SCAI: variants seen among roughly 807,000 people sequenced by gnomAD.
The protein encoded by SCAI is protein SCAI.
A neutral mutation model predicts 92.2 loss-of-function variants in SCAI; 24 were observed. The observed-to-expected ratio is 0.26, with a 90% CI of 0.19 to 0.37. The LOEUF (loss-of-function observed/expected upper bound fraction) is 0.37, where lower values mean the gene tolerates loss of function less well. Ranked by LOEUF, SCAI falls within the 10% of genes least tolerant of loss-of-function variation. The pLI is 1.00. For synonymous variants in SCAI, 261 were observed against 258.6 expected, an observed-to-expected ratio of 1.01 and a Z score of -0.09; for missense variants, 450 against 736.2, an observed-to-expected ratio of 0.61 and a Z score of 4.50.
intron 2 of SCAI, among the ~76,000 whole-genome samples, chr9:125,069,757 G>C (rs1833944390): frequency 2.0e-5 from 3 of 151,156 alleles, no homozygotes; most frequent in Admixed American, 6.6e-5. Flanking sequence ...TGAGTAGCTG[G>C]GATTACAGGC....
intron 5 of SCAI, 78 bp from the exon 6 acceptor site, chr9:125,026,988 C>A: frequency 1.4e-6 from 1 of 722,532 alleles, no homozygotes; most frequent in Non-Finnish European, 2.2e-6. Flanking sequence ...CTATATACCG[C>A]TGTATTCCTC....
intron 17 of SCAI, among the ~76,000 whole-genome samples, chr9:124,954,228 T>C (rs1192417012): frequency 6.6e-6 from 1 of 152,202 alleles, no homozygotes; most frequent in Non-Finnish European, 1.5e-5. Flanking sequence ...AAGAACACTC[T>C]TCAATTTAGT....
chr9:125,102,877 C>T (rs1463936054), intron 2 of SCAI, among the ~76,000 whole-genome samples: 1 of 152,124 alleles, frequency 6.6e-6, no homozygotes, highest in Non-Finnish European at 1.5e-5. Context: ...GGATTACAGG[C>T]GTGAGGCACC....
intron 2 of SCAI, among the ~76,000 whole-genome samples, chr9:125,103,292 A>G (rs1270392994): frequency 1.3e-5 from 2 of 152,142 alleles, no homozygotes; most frequent in East Asian, 3.8e-4. Flanking sequence ...CCACTAACAC[A>G]GGTAGTCCTT....
chr9:125,025,531 G>T (rs16927817), intron 6 of SCAI, among the ~76,000 whole-genome samples: 1 of 151,990 alleles, frequency 6.6e-6, no homozygotes, highest in East Asian at 1.9e-4. Context: ...CAGCTCTTTC[G>T]CATTTTTTAA....
At chr9:124,991,770 G>A (rs1461716400) in intron 14 of SCAI, among the ~76,000 whole-genome samples, 1 of 152,096 alleles carries the variant, frequency 6.6e-6, no homozygotes, top group African/African-American at 2.4e-5. Context: ...CCAGGAAGCG[G>A]AGGTTTCAGT....
At chr9:124,977,942 A>AT in intron 14 of SCAI, among the ~76,000 whole-genome samples, 1 of 152,336 alleles carries the variant, frequency 6.6e-6, no homozygotes, top group South Asian at 2.1e-4. Flanking sequence ...AATGTAAAAA[A>AT]TTAAATAATA....
chr9:124,974,925 G>C (rs1355213951), intron 15 of SCAI, among the ~76,000 whole-genome samples: 1 of 152,178 alleles, frequency 6.6e-6, no homozygotes, highest in Non-Finnish European at 1.5e-5. Context: ...TTCAAATTCA[G>C]TCAGTTTGCC....
At chr9:125,041,437 T>C (rs1186700115) in intron 3 of SCAI, among the ~76,000 whole-genome samples, 4 of 152,222 alleles carry the variant, frequency 2.6e-5, no homozygotes, top group Non-Finnish European at 4.4e-5. Flanking sequence ...CTGACAATTA[T>C]TGTGTTTCAT....
At chr9:125,090,749 AG>A (rs374481350) in intron 2 of SCAI, among the ~76,000 whole-genome samples, 12 of 152,148 alleles carry the variant, frequency 7.9e-5, no homozygotes, top group African/African-American at 2.9e-4. Flanking sequence ...CTGGGATTAC[AG>A]GGGTGTGCCA....
intron 2 of SCAI, among the ~76,000 whole-genome samples, chr9:125,060,601 A>C (rs1284524933): frequency 6.6e-6 from 1 of 152,174 alleles, no homozygotes; most frequent in Non-Finnish European, 1.5e-5. Context: ...TAATTGAATC[A>C]TGGGGCCATC....
intron 9 of SCAI, among the ~76,000 whole-genome samples, chr9:125,008,067 G>A (rs1588148188): frequency 6.7e-6 from 1 of 148,848 alleles, no homozygotes. Flanking sequence ...GGATGGTCTC[G>A]ATCTCCCGAC....
chr9:125,112,158 TAC>T (rs1323152583), intron 2 of SCAI, among the ~76,000 whole-genome samples: 1 of 152,172 alleles, frequency 6.6e-6, no homozygotes, highest in Non-Finnish European at 1.5e-5. Flanking sequence ...GTCACATTAG[TAC>T]AGTTATATGC....
chr9:125,078,235 G>C (rs1361887829), intron 2 of SCAI, among the ~76,000 whole-genome samples: 1 of 151,894 alleles, frequency 6.6e-6, no homozygotes, highest in African/African-American at 2.4e-5. Context: ...ACAAAAAAAA[G>C]TCAACATTAG....
rs554460518 is a variant in SCAI at position 125,083,688 on chromosome 9, G to T, written c.99-27681C>A. Among the ~76,000 whole-genome samples the T allele has an allele frequency of 3.3e-5, 5 of 152,188 alleles. No homozygotes were observed. The East Asian group carries it at 9.6e-4, about 29-fold the overall frequency. ...CTGCATGAAAATGGAGTAATCACAT[G>T]GTTAGTTCAATCATTCAACAAATAT... is the stretch of plus-strand genomic sequence containing the variant. On this transcript the variant is annotated intron_variant, in intron 2 of 17. Coordinates refer to ENST00000336505, the MANE Select transcript of SCAI (RefSeq NM_001144877.3).
chr9:124,955,422 G>A (rs1205107372), intron 17 of SCAI, among the ~76,000 whole-genome samples: 5 of 151,886 alleles, frequency 3.3e-5, no homozygotes, highest in South Asian at 2.1e-4. Flanking sequence ...AAATAAGGCC[G>A]GGTGTGATGG....
rs1831154480 is a variant in SCAI at position 124,946,996 on chromosome 9, C to T, written c.*5811G>A. On this transcript the variant is annotated 3_prime_UTR_variant, in exon 18 of 18. Coordinates refer to ENST00000336505, the MANE Select transcript of SCAI (RefSeq NM_001144877.3). The surrounding 1 kb of genome is among the most constrained non-coding windows in gnomAD (Gnocchi z 4.0). ...ACAACCTCCCGTTCCTCACTAAATC[C>T]TATCCTACTTAGGTTAGGCCATCCC... The T allele has an allele frequency of 6.6e-6, 1 of 152,162 alleles. No individual in the cohort carries two copies. Among genetic ancestry groups the T allele is most frequent in the Admixed American group, 6.5e-5 (1 of 15,282 alleles). The allele number at this position is 152,162 out of a possible 1,614,324, so 9.4% of individuals were successfully genotyped here. A position where few individuals can be genotyped will look rare whatever the true frequency, so the allele number is the denominator to read the frequency against.
intron 2 of SCAI, among the ~76,000 whole-genome samples, chr9:125,087,664 A>G (rs138112047): frequency 3.3e-5 from 5 of 152,356 alleles, no homozygotes; most frequent in African/African-American, 1.2e-4. Flanking sequence ...TGTAGCATCA[A>G]TTTCCATTGC....
chr9:124,981,635 A>T (rs1252109908), intron 14 of SCAI, among the ~76,000 whole-genome samples: 1 of 152,026 alleles, frequency 6.6e-6, no homozygotes. Context: ...TATCCTATCG[A>T]CATAGTTTAT....
Sources: allele counts gnomAD v4.1 joint callset (sites outside exome capture counted in the v4.1 genomes callset), GRCh38; gene constraint gnomAD v4.1.1; non-coding constraint Gnocchi (gnomAD v3.1); transcripts MANE v1.5; gene names NCBI Gene and HGNC (gene_info 2026-07-23, HGNC 2026-07-21).